CSMD1: variants seen among roughly 807,000 people sequenced by gnomAD.
CSMD1 encodes CUB and sushi domain-containing protein 1.
In CSMD1, 213 loss-of-function variants were observed where a neutral mutation model predicts 417.5. The observed-to-expected ratio is 0.51, with a 90% CI of 0.46 to 0.57. The LOEUF is 0.57. CSMD1 is among the 20% of genes least tolerant of loss of function. CSMD1 has a pLI of 0.00. For synonymous variants in CSMD1, 2,862 were observed against 1,736.8 expected (o/e 1.65, Z -16.11); for missense variants, 6,923 against 4,529.7 (o/e 1.53, Z -15.17).
At position 3,776,932 on chromosome 8, in the gene CSMD1, C is replaced by A. The variant is rs189108209; in HGVS notation, c.819-22890G>T. On this transcript the variant is annotated intron_variant, in intron 5 of 69. Transcript: ENST00000635120. ...GTCTCACCATGTTGCCCAGCCTGGT[C>A]TCAACTCTTGATCTCAAGTGATTCT... 1.7e-3 allele frequency among the ~76,000 whole-genome samples: 257 copies of A among 151,908 alleles called. 4 individuals are homozygous for A. The highest frequency in any genetic ancestry group is 0.015 in the Admixed American group (231 of 15,278).
At chr8:4,148,826 A>T (rs191899320) in intron 3 of CSMD1, among the ~76,000 whole-genome samples, 2 of 152,284 alleles carry the variant, frequency 1.3e-5, no homozygotes, top group African/African-American at 4.8e-5. Flanking sequence ...TCAGTCCCTC[A>T]TGCTGCCTTT....
intron 7 of CSMD1, among the ~76,000 whole-genome samples, chr8:3,647,386 A>T (rs199873845): frequency 2.7e-4 from 4 of 14,896 alleles, no homozygotes; most frequent in African/African-American, 2.7e-3. Flanking sequence ...GCATAGAAAG[A>T]AATATAAAGA....
intron 1 of CSMD1, among the ~76,000 whole-genome samples, chr8:4,957,599 T>C (rs187536153): frequency 2.6e-3 from 402 of 152,310 alleles, no homozygotes; most frequent in Non-Finnish European, 4.5e-3. Context: ...TGAAAGATCC[T>C]CATATGAAAG....
Position 3,493,734 on chromosome 8 carries a change from CA to C in CSMD1, c.1345-9del. The C allele has an allele frequency of 6.2e-7, 1 of 1,603,998 alleles. No homozygotes were observed. The highest frequency in any genetic ancestry group is 8.5e-7 in the Non-Finnish European group (1 of 1,174,608). On this transcript the variant is annotated splice_polypyrimidine_tract_variant and intron_variant, in intron 10 of 69. Coordinates refer to ENST00000635120, the MANE Select transcript of CSMD1 (RefSeq NM_033225.6). ...AAAGGCAAGCTTGATGACCTAAATA[CA>C]AGGTACGAAACAGTGACTTAGAACA...
At chr8:4,725,892 C>A (rs1176879260) in intron 1 of CSMD1, among the ~76,000 whole-genome samples, 1 of 152,090 alleles carries the variant, frequency 6.6e-6, no homozygotes, top group Non-Finnish European at 1.5e-5. Flanking sequence ...GGTTGTGGGA[C>A]TGGGTTCACA....
At chr8:3,457,685 A>T (rs1466052473) in intron 12 of CSMD1, among the ~76,000 whole-genome samples, 1 of 152,186 alleles carries the variant, frequency 6.6e-6, no homozygotes, top group Non-Finnish European at 1.5e-5. Context: ...TTTAACAAAG[A>T]CTCTTGTTGA....
At chr8:4,173,915 C>A (rs1392900133) in intron 3 of CSMD1, among the ~76,000 whole-genome samples, 2 of 152,084 alleles carry the variant, frequency 1.3e-5, no homozygotes, top group Admixed American at 6.5e-5. Context: ...ACACATGGCT[C>A]AGGGTATGAA....
intron 3 of CSMD1, among the ~76,000 whole-genome samples, chr8:4,066,980 A>G (rs1013569803): frequency 1.3e-5 from 2 of 152,272 alleles, no homozygotes; most frequent in South Asian, 4.1e-4. Context: ...AGTATATTCT[A>G]AAGCAACTCC....
chr8:4,874,305 ATTAGT>A (rs1802912671), intron 1 of CSMD1, among the ~76,000 whole-genome samples: 1 of 151,956 alleles, frequency 6.6e-6, no homozygotes. Flanking sequence ...CTATTTATCA[ATTAGT>A]TTATTTTAAT....
intron 10 of CSMD1, among the ~76,000 whole-genome samples, chr8:3,509,117 C>A (rs958628476): frequency 1.3e-5 from 2 of 152,096 alleles, no homozygotes; most frequent in African/African-American, 4.8e-5. Context: ...CAGTAGGATT[C>A]TTATGAGAAT....
chr8:4,564,404 T>A (rs1007985303), intron 2 of CSMD1, among the ~76,000 whole-genome samples: 3 of 152,212 alleles, frequency 2.0e-5, no homozygotes, highest in African/African-American at 7.2e-5. Flanking sequence ...TGCTCACTGT[T>A]CTGGACAGTG....
chr8:4,351,798 C>A (rs967583229), intron 3 of CSMD1, among the ~76,000 whole-genome samples: 1 of 152,100 alleles, frequency 6.6e-6, no homozygotes, highest in East Asian at 1.9e-4. Context: ...ACTTGGAATC[C>A]AGCATCTCAA....
chr8:3,248,018 C>G (rs1380831475), intron 26 of CSMD1, among the ~76,000 whole-genome samples: 1 of 152,138 alleles, frequency 6.6e-6, no homozygotes, highest in Non-Finnish European at 1.5e-5. Flanking sequence ...TCAAACCACA[C>G]AGACAACACT....
chr8:4,760,374 C>T (rs1033078498), intron 1 of CSMD1, among the ~76,000 whole-genome samples: 2 of 152,122 alleles, frequency 1.3e-5, no homozygotes, highest in Non-Finnish European at 1.5e-5. Flanking sequence ...GACATGTCTG[C>T]TGCACAAATG....
chr8:4,576,155 G>A (rs1036774747), intron 2 of CSMD1, among the ~76,000 whole-genome samples: 5 of 152,172 alleles, frequency 3.3e-5, no homozygotes, highest in Non-Finnish European at 7.3e-5. Context: ...AAAGTATGCA[G>A]GACTGTCGAG....
At chr8:4,536,697 A>G in intron 2 of CSMD1, among the ~76,000 whole-genome samples, 1 of 152,310 alleles carries the variant, frequency 6.6e-6, no homozygotes, top group Admixed American at 6.5e-5. Context: ...TACTAATGCC[A>G]GAATAAAAAG....
intron 52 of CSMD1, among the ~76,000 whole-genome samples, chr8:3,015,709 A>G (rs17079057): frequency 0.036 from 5,452 of 152,094 alleles, 132 homozygotes; most frequent in African/African-American, 0.073. Context: ...CCTGAAGGTT[A>G]CTCAAGGACA....
At chr8:4,970,827 C>T (rs559036680) in intron 1 of CSMD1, among the ~76,000 whole-genome samples, 3 of 152,136 alleles carry the variant, frequency 2.0e-5, no homozygotes, top group African/African-American at 4.8e-5. Flanking sequence ...TAGCTCTAGT[C>T]ATCAAAATCA....
intron 5 of CSMD1, among the ~76,000 whole-genome samples, chr8:3,972,777 T>C (rs1360675340): frequency 6.6e-6 from 1 of 152,254 alleles, no homozygotes; most frequent in African/African-American, 2.4e-5. Context: ...TTCAATGATC[T>C]AGCACATTTT....
Sources: gnomAD v4.1 joint callset for allele counts (sites outside exome capture counted in the v4.1 genomes callset) on GRCh38, gnomAD v4.1.1 for gene constraint, MANE v1.5 for transcripts, NCBI Gene and HGNC (gene_info 2026-07-23, HGNC 2026-07-21) for gene names.